NCR3LG1: variants seen among roughly 807,000 people sequenced by gnomAD.
NCR3LG1 encodes natural cytotoxicity triggering receptor 3 ligand 1.
Under a neutral mutation model 34.8 loss-of-function variants are expected in NCR3LG1, and 35 were observed. That is an observed-to-expected ratio of 1.01 (90% CI 0.77 to 1.33). NCR3LG1 has a LOEUF of 1.33. Among genes scored for constraint, NCR3LG1 ranks in the 40% most tolerant of loss-of-function variants. The probability of loss-of-function intolerance (pLI) is 0.00; values close to 1 mark genes in which losing one functional copy is unlikely to be tolerated. For synonymous variants in NCR3LG1, 173 were observed against 163.6 expected (o/e 1.06, Z -0.44); for missense variants, 452 against 423.3 (o/e 1.07, Z -0.60).
chr11:17,358,350 G>C (rs1245890397), intron 2 of NCR3LG1, among the ~76,000 whole-genome samples: 1 of 152,116 alleles, frequency 6.6e-6, no homozygotes, highest in African/African-American at 2.4e-5. Context: ...TGATGTCCTT[G>C]ACAGTTTGGT....
Position 17,377,318 on chromosome 11 carries a change from A to G in NCR3LG1, c.*4806A>G, listed in dbSNP as rs1200696802. 7.3e-6 allele frequency: 1 copy of G among 136,414 alleles called. No homozygotes were observed. The highest frequency in any genetic ancestry group is 1.6e-5 in the Non-Finnish European group (1 of 63,370). 8.5% of individuals were successfully genotyped at this position (136,414 alleles called of 1,614,324 possible). A position where few individuals can be genotyped will look rare whatever the true frequency, so the allele number is the denominator to read the frequency against. On this transcript the variant is annotated 3_prime_UTR_variant, in exon 5 of 5. Coordinates refer to ENST00000338965, the MANE Select transcript of NCR3LG1 (RefSeq NM_001202439.3). ...ATGGTGAAACCCCGTCTGTACTAAT[A>G]ATACAAAAAAAAAAAAAAAAAAAGC...
At chr11:17,371,512 T>C (rs184187884) in intron 4 of NCR3LG1, among the ~76,000 whole-genome samples, 1 of 150,852 alleles carries the variant, frequency 6.6e-6, no homozygotes, top group Admixed American at 6.6e-5. Context: ...AGCCATTCAA[T>C]TTTTACATTC....
Position 17,374,738 on chromosome 11 carries a change from A to G in NCR3LG1, c.*2226A>G, listed in dbSNP as rs1953455257. ...GTTATAGATACCCAGGTATGATAAAATAGGTTGCCCTTTATATCACCTTAT... is the reference window on the plus strand; with the variant it reads ...GTTATAGATACCCAGGTATGATAAAGTAGGTTGCCCTTTATATCACCTTAT... On this transcript the variant is annotated 3_prime_UTR_variant, in exon 5 of 5. Transcript: ENST00000338965. 6.6e-6 allele frequency: 1 copy of G among 152,176 alleles called. No homozygotes were observed. Among genetic ancestry groups the G allele is most frequent in the South Asian group, 2.1e-4 (1 of 4,832 alleles). 9.4% of individuals were successfully genotyped at this position (152,176 alleles called of 1,614,324 possible). A position where few individuals can be genotyped will look rare whatever the true frequency, so the allele number is the denominator to read the frequency against.
chr11:17,366,924 G>T lies in NCR3LG1; in HGVS notation c.422-85G>T, dbSNP rs1349388772. The T allele has an allele frequency of 4.3e-6, 4 of 936,744 alleles. No individual in the cohort carries two copies. In the Admixed American group the frequency reaches 9.7e-5, roughly 23 times the overall value. 58.0% of individuals were successfully genotyped at this position (936,744 alleles called of 1,614,324 possible). ...GGAGCAGTGATGCATAGCTGTGAGG[G>T]TATGGTAGAAGCCAGTTAGCATAAG... On this transcript the variant is annotated intron_variant, in intron 2 of 4. Coordinates refer to ENST00000338965, the MANE Select transcript of NCR3LG1 (RefSeq NM_001202439.3).
At chr11:17,381,488 C>T (rs1395832920), downstream of NCR3LG1, 1 of 152,544 alleles carries the variant, frequency 6.6e-6, no homozygotes, top group Non-Finnish European at 1.5e-5. Flanking sequence ...GAATGGGAAA[C>T]CAAGGACACA....
At chr11:17,380,955 G>A (rs1171898046), downstream of NCR3LG1, 4 of 152,152 alleles carry the variant, frequency 2.6e-5, no homozygotes, top group African/African-American at 9.7e-5. Flanking sequence ...TTAGCCTATG[G>A]GAAAATTGGT....
chr11:17,369,881 T>C lies in NCR3LG1; in HGVS notation c.858+917T>C, dbSNP rs187145622. On this transcript the variant is annotated intron_variant, in intron 4 of 4. Coordinates refer to ENST00000338965, the MANE Select transcript of NCR3LG1 (RefSeq NM_001202439.3). The stretch of plus-strand genomic sequence containing the variant: ...GGAAGAAACTAGTCAGGCAGGCAGT[T>C]AGGGTGGGCCCTCAGTCAAATTCCT... 3.3e-4 allele frequency among the ~76,000 whole-genome samples: 50 copies of C among 152,318 alleles called. No homozygotes were observed. In the East Asian group the frequency reaches 9.5e-3, roughly 29 times the overall value.
At chr11:17,362,796 C>CTCTCTCTT (rs1475605565) in intron 2 of NCR3LG1, among the ~76,000 whole-genome samples, 19 of 137,722 alleles carry the variant, frequency 1.4e-4, no homozygotes, top group East Asian at 6.4e-4. Context: ...TTCTTTCTCT[C>CTCTCTCTT]TCTTTCTTTC....
intron 2 of NCR3LG1, among the ~76,000 whole-genome samples, chr11:17,362,200 A>G (rs1020888597): frequency 1.3e-5 from 2 of 152,184 alleles, no homozygotes; most frequent in Non-Finnish European, 2.9e-5. Context: ...GGTTTTGTCA[A>G]ATACTTTTTC....
intron 4 of NCR3LG1, among the ~76,000 whole-genome samples, chr11:17,370,391 G>A (rs976287896): frequency 6.6e-6 from 1 of 152,194 alleles, no homozygotes; most frequent in Non-Finnish European, 1.5e-5. Context: ...GCATTGGCCA[G>A]GAAACATTGG....
In NCR3LG1 at chr11:17,374,279, C is replaced by G. The variant is rs1447935560; in HGVS notation, c.*1767C>G. The G allele has an allele frequency of 6.6e-6, 1 of 152,106 alleles. No individual in the cohort carries two copies. The highest frequency in any genetic ancestry group is 1.5e-5 in the Non-Finnish European group (1 of 68,030). 9.4% of individuals were successfully genotyped at this position (152,106 alleles called of 1,614,324 possible). On this transcript the variant is annotated 3_prime_UTR_variant, in exon 5 of 5. Transcript: ENST00000338965. The stretch of plus-strand genomic sequence containing the variant: ...TGCCTTTTTCTGTATACCTTTATAC[C>G]CTGACTCCCAATACTTGTTTACCTT...
At position 17,369,047 on chromosome 11, in the gene NCR3LG1, C is replaced by A. The variant is rs140923117; in HGVS notation, c.858+83C>A. The A allele has an allele frequency of 4.1e-3, 3,280 of 803,446 alleles. 75 individuals are homozygous for A. The highest frequency in any genetic ancestry group is 0.017 in the East Asian group (639 of 37,450). The allele number at this position is 803,446 out of a possible 1,614,324, so 49.8% of individuals were successfully genotyped here. A position where few individuals can be genotyped will look rare whatever the true frequency, so the allele number is the denominator to read the frequency against. Reference sequence around the variant, plus strand: ...GAGCAGCTGCTGCCAACCTTACAAGCCTCAAGGGACAGGCCTGCTGGAAAG... The same window carrying A: ...GAGCAGCTGCTGCCAACCTTACAAGACTCAAGGGACAGGCCTGCTGGAAAG... On this transcript the variant is annotated intron_variant, in intron 4 of 4. Transcript: ENST00000338965.
chr11:17,352,150 G>T, intron 1 of NCR3LG1, 111 bp downstream of exon 1: 1 of 562,582 alleles, frequency 1.8e-6, no homozygotes, highest in South Asian at 2.4e-5. Context: ...GGGGCTGAGA[G>T]CTCTATTTTC....
chr11:17,368,861 C>A lies in NCR3LG1; in HGVS notation c.761-6C>A. On this transcript the variant is annotated splice_region_variant and splice_polypyrimidine_tract_variant and intron_variant, in intron 3 of 4. Transcript: ENST00000338965. ...TCCTGCTAATGTTTTCCTTCTCTCT[C>A]TGCAGAAACTGAGAAGACAGATAAT... 1.3e-6 allele frequency: 2 copies of A among 1,519,214 alleles called. No homozygotes were observed. The highest frequency in any genetic ancestry group is 1.8e-6 in the Non-Finnish European group (2 of 1,131,548). The allele number at this position is 1,519,214 out of a possible 1,614,324, so 94.1% of individuals were successfully genotyped here. A position where few individuals can be genotyped will look rare whatever the true frequency, so the allele number is the denominator to read the frequency against.
chr11:17,354,358 G>A (rs980614882), intron 1 of NCR3LG1, among the ~76,000 whole-genome samples: 12 of 152,202 alleles, frequency 7.9e-5, no homozygotes, highest in Non-Finnish European at 1.8e-4. Flanking sequence ...AATACATGGA[G>A]GTCCTGGGTG....
intron 2 of NCR3LG1, among the ~76,000 whole-genome samples, chr11:17,357,667 GTA>G (rs71047546): frequency 1 from 151,347 of 151,352 alleles, 75,671 homozygotes; most frequent in Non-Finnish European, 1. Flanking sequence ...GACAGTGGCC[GTA>G]TATATATAGC....
chr11:17,371,204 C>T (rs766587168), intron 4 of NCR3LG1, among the ~76,000 whole-genome samples: 3 of 152,108 alleles, frequency 2.0e-5, no homozygotes, highest in Non-Finnish European at 4.4e-5. Flanking sequence ...GCCTATTAAG[C>T]CCCAAACCTC....
chr11:17,357,099 A>C (rs1591678469), intron 2 of NCR3LG1, 98 bp downstream of exon 2: 1 of 824,324 alleles, frequency 1.2e-6, no homozygotes, highest in South Asian at 1.8e-5. Flanking sequence ...CCTGTATTAT[A>C]AAATGGTCTG....
downstream of NCR3LG1, chr11:17,380,544 G>A (rs1273174537): frequency 6.6e-6 from 1 of 151,900 alleles, no homozygotes; most frequent in East Asian, 1.9e-4. Context: ...AGAGTGCAGT[G>A]GCACAATCTT....
Sources: allele counts gnomAD v4.1 joint callset (sites outside exome capture counted in the v4.1 genomes callset), GRCh38; gene constraint gnomAD v4.1.1; transcripts MANE v1.5; gene names NCBI Gene and HGNC (gene_info 2026-07-23, HGNC 2026-07-21).